Variants in LEKR1 observed in about 807,000 individuals in gnomAD.
LEKR1 encodes the protein leucine, glutamate and lysine rich 1.
A neutral mutation model predicts 72.4 loss-of-function variants in LEKR1; 59 were observed. That is an observed-to-expected ratio of 0.82 (90% confidence interval 0.66 to 1.01). The LOEUF (loss-of-function observed/expected upper bound fraction) is 1.01. Among genes scored for constraint, LEKR1 ranks in the 50% least tolerant of loss-of-function variants. The probability of loss-of-function intolerance (pLI) is 0.00; values close to 1 mark genes in which losing one functional copy is unlikely to be tolerated. For synonymous variants in LEKR1, 257 were observed against 263.2 expected (o/e 0.98, Z 0.23); for missense variants, 728 against 759.2 (o/e 0.96, Z 0.48).
intron 7 of LEKR1, among the ~76,000 whole-genome samples, chr3:156,982,208 A>G (rs570929227): frequency 1.3e-5 from 2 of 152,306 alleles, no homozygotes; most frequent in South Asian, 4.1e-4. Context: ...GTTTTAGTTG[A>G]TAAGAGTCTC....
intron 3 of LEKR1, among the ~76,000 whole-genome samples, chr3:156,903,334 T>A (rs1722216606): frequency 6.6e-6 from 1 of 152,198 alleles, no homozygotes; most frequent in Non-Finnish European, 1.5e-5. Context: ...TTTTGTTTTT[T>A]ACTTAGAATA....
chr3:156,942,611 G>A lies in LEKR1; in HGVS notation c.642G>A (p.Leu214=), dbSNP rs1371946138. ...CLEKEMKNLK[L]LSDAAILRSQ... ...AAAAGGAAATGAAAAATCTGAAATT[G>A]TTGTCAGATGCAGCCATATTGAGAT... The change falls in exon 6 of 13, where the codon TTG becomes TTA. Residue 214 remains leucine, a synonymous_variant. Coordinates refer to ENST00000356539, the MANE Select transcript of LEKR1 (RefSeq NM_001004316.3). 7.9e-7 allele frequency: 1 copy of A among 1,265,814 alleles called. No homozygotes were observed. Among genetic ancestry groups the A allele is most frequent in the South Asian group, 1.3e-5 (1 of 77,850 alleles). The allele number at this position is 1,265,814 out of a possible 1,614,324, so 78.4% of individuals were successfully genotyped here. A position where few individuals can be genotyped will look rare whatever the true frequency, so the allele number is the denominator to read the frequency against.
At chr3:156,914,523 A>G (rs1270860486) in intron 3 of LEKR1, among the ~76,000 whole-genome samples, 1 of 152,106 alleles carries the variant, frequency 6.6e-6, no homozygotes, top group African/African-American at 2.4e-5. Context: ...ATAGTATTCC[A>G]TGGTGTATAT....
At chr3:156,955,958 TAAA>T (rs34940582) in intron 6 of LEKR1, among the ~76,000 whole-genome samples, 2 of 147,328 alleles carry the variant, frequency 1.4e-5, no homozygotes, top group Non-Finnish European at 1.5e-5. Context: ...GTAGAATAGT[TAAA>T]AAAAAAAAAA....
chr3:156,987,025 T>C (rs1730750970), intron 7 of LEKR1, among the ~76,000 whole-genome samples: 1 of 53,044 alleles, frequency 1.9e-5, no homozygotes, highest in Admixed American at 1.9e-4. Context: ...TAGCTAGCTA[T>C]TGTATTGTAT....
intron 3 of LEKR1, among the ~76,000 whole-genome samples, chr3:156,911,861 T>C (rs970417763): frequency 3.3e-5 from 5 of 152,158 alleles, no homozygotes; most frequent in African/African-American, 1.2e-4. Context: ...CATTGGTCTA[T>C]GTGTCTGTTT....
intron 6 of LEKR1, among the ~76,000 whole-genome samples, chr3:156,942,975 A>G (rs958811069): frequency 2.0e-5 from 3 of 151,892 alleles, no homozygotes; most frequent in African/African-American, 7.2e-5. Context: ...GATTTCAGAA[A>G]AATAAGGCGA....
chr3:156,856,807 A>G (rs1473652197), intron 3 of LEKR1, among the ~76,000 whole-genome samples: 1 of 151,978 alleles, frequency 6.6e-6, no homozygotes, highest in Non-Finnish European at 1.5e-5. Flanking sequence ...AATATTTGTT[A>G]TATATGTTTA....
intron 6 of LEKR1, among the ~76,000 whole-genome samples, chr3:156,947,585 C>T (rs995305054): frequency 1.5e-4 from 22 of 151,058 alleles, no homozygotes; most frequent in Admixed American, 1.3e-3. Flanking sequence ...AAGCAATATG[C>T]ATTCAATAGA....
rs368303840 is a variant in LEKR1, at chr3:157,011,380, T to C, written c.1110-33T>C. 2.8e-6 allele frequency: 4 copies of C among 1,409,712 alleles called. No individual in the cohort carries two copies. In the South Asian group the frequency reaches 3.4e-5, roughly 12 times the overall value. 87.3% of individuals were successfully genotyped at this position (1,409,712 alleles called of 1,614,324 possible). On this transcript the variant is annotated intron_variant, in intron 9 of 12. Coordinates refer to ENST00000356539, the MANE Select transcript of LEKR1 (RefSeq NM_001004316.3). ...ACTTAGGAATTGTGTTAGGGGTAAG[T>C]ATTGACTCATTTGTCGGGTTTGTGA...
intron 12 of LEKR1, among the ~76,000 whole-genome samples, chr3:157,043,981 A>G (rs1002188370): frequency 1.4e-4 from 21 of 152,212 alleles, no homozygotes; most frequent in African/African-American, 5.1e-4. Context: ...ATATTTTTCC[A>G]TTTTGATTAC....
intron 3 of LEKR1, among the ~76,000 whole-genome samples, chr3:156,909,669 A>AAGAAAG (rs1722918277): frequency 6.9e-6 from 1 of 145,930 alleles, no homozygotes; most frequent in Non-Finnish European, 1.5e-5. Context: ...AAAAAAAAAA[A>AAGAAAG]AAAGAAATCT....
At chr3:157,025,961 G>A (rs1396170905) in intron 11 of LEKR1, among the ~76,000 whole-genome samples, 1 of 151,858 alleles carries the variant, frequency 6.6e-6, no homozygotes, top group Non-Finnish European at 1.5e-5. Context: ...GATACAAGAG[G>A]TTCACTTGAA....
intron 6 of LEKR1, among the ~76,000 whole-genome samples, chr3:156,966,292 G>C (rs1728572739): frequency 6.6e-6 from 1 of 152,124 alleles, no homozygotes; most frequent in African/African-American, 2.4e-5. Flanking sequence ...CAGGACAGTG[G>C]GTGCAGCACA....
chr3:156,982,359 T>C (rs1321119706), intron 7 of LEKR1, among the ~76,000 whole-genome samples: 1 of 126,998 alleles, frequency 7.9e-6, no homozygotes, highest in Non-Finnish European at 1.6e-5. Flanking sequence ...CATTTGGATA[T>C]GGTGCCTGCA....
rs757588478 is a variant in LEKR1 at position 157,024,863 on chromosome 3, A to C, written c.1307A>C (p.Lys436Thr). Residue 436 changes from lysine (K) to threonine (T), a missense_variant, in exon 11 of 13, where the codon AAA becomes ACA. Physicochemically the swap from Lys to Thr is moderately conservative, Grantham distance 78 (BLOSUM62 -1). Coordinates refer to ENST00000356539, the MANE Select transcript of LEKR1 (RefSeq NM_001004316.3). ...ACAAAATTGCAACTTGATATTGAAA[A>C]AGAAAAACACCAAGATGTAATCCAA... The part of the protein sequence containing the change: ...EETKLQLDIE[K>T]EKHQDVIQKY... 1 of 1,609,834 alleles carries C rather than the reference A, an allele frequency of 6.2e-7. No homozygotes were observed. Among genetic ancestry groups the C allele is most frequent in the South Asian group, 1.1e-5 (1 of 90,702 alleles).
At chr3:156,984,519 A>T (rs1730506677) in intron 7 of LEKR1, among the ~76,000 whole-genome samples, 1 of 152,074 alleles carries the variant, frequency 6.6e-6, no homozygotes, top group African/African-American at 2.4e-5. Context: ...TTTACTAAAA[A>T]TACAAAAATT....
At chr3:157,003,903 A>G (rs1426346772) in intron 9 of LEKR1, among the ~76,000 whole-genome samples, 1 of 152,222 alleles carries the variant, frequency 6.6e-6, no homozygotes, top group Non-Finnish European at 1.5e-5. Flanking sequence ...AATCCAAAAG[A>G]AAACAGAAAG....
intron 10 of LEKR1, 92 bp from the exon 11 acceptor site, chr3:157,024,668 G>T: frequency 1.1e-6 from 1 of 950,628 alleles, no homozygotes; most frequent in South Asian, 1.7e-5. Context: ...TTTAATGTCA[G>T]AACATTTTAA....
Sources: allele counts gnomAD v4.1 joint callset (sites outside exome capture counted in the v4.1 genomes callset), GRCh38; gene constraint gnomAD v4.1.1; transcripts MANE v1.5; gene names NCBI Gene and HGNC (gene_info 2026-07-23, HGNC 2026-07-21).